Variants in FMN2 observed in about 807,000 individuals in gnomAD.
FMN2 encodes formin 2, also known as formin-2.
A neutral mutation model predicts 142.3 loss-of-function variants in FMN2; 51 were observed. The observed-to-expected ratio is 0.36, with a 90% CI of 0.29 to 0.45. The LOEUF (loss-of-function observed/expected upper bound fraction) is 0.45. Among genes scored for constraint, FMN2 ranks in the 20% least tolerant of loss-of-function variants. The pLI is 1.00. For synonymous variants in FMN2, 882 were observed against 869.8 expected (o/e 1.01, Z -0.25); for missense variants, 1,936 against 2,122.8 (o/e 0.91, Z 1.73).
chr1:240,123,193 G>C lies in FMN2; in HGVS notation c.1630G>C (p.Glu544Gln). ...TTCATCTGCAGGGCGAACGCTGTTG[G>C]AGAAGCTGTTCAGCCAGCAGGAGAA... The part of the protein sequence containing the change: ...QNVFTGRTLL[E>Q]KLFSQQENGP... The change falls in exon 2 of 18, where the codon GAG becomes CAG. Residue 544 changes from glutamate to glutamine, a missense_variant. Glu to Gln is a conservative substitution (Grantham distance 29). This residue lies in a region of FMN2 where 751 missense variants were observed against 791.8 expected (regional missense o/e 0.95). Coordinates refer to ENST00000319653, the MANE Select transcript of FMN2 (RefSeq NM_020066.5). 6.2e-7 allele frequency: 1 copy of C among 1,614,182 alleles called. No homozygotes were observed.
In FMN2 at chr1:240,121,735, TAAAAAAAA is replaced by T. The variant is rs71168898; in HGVS notation, c.1616-1420_1616-1413del. Reference sequence around the variant, plus strand: ...CTCTTGCCTTTTTTTAGGGAAATAGTAAAAAAAAAAAAAAAAAAAAAAAAAAAAAAAGT... The same window carrying T: ...CTCTTGCCTTTTTTTAGGGAAATAGTAAAAAAAAAAAAAAAAAAAAAAAGT... On this transcript the variant is annotated intron_variant, in intron 1 of 17. Coordinates refer to ENST00000319653, the MANE Select transcript of FMN2 (RefSeq NM_020066.5). Among the ~76,000 whole-genome samples the T allele has an allele frequency of 9.0e-4, 23 of 25,678 alleles. 1 individual carries two copies. Among genetic ancestry groups the T allele is most frequent in the South Asian group, 5.9e-3 (2 of 338 alleles). 16.8% of individuals were successfully genotyped at this position (25,678 alleles called of 152,430 possible). A position where few individuals can be genotyped will look rare whatever the true frequency, so the allele number is the denominator to read the frequency against.
At chr1:240,455,975 A>AAATAAT (rs140323437) in intron 16 of FMN2, among the ~76,000 whole-genome samples, 224 of 149,018 alleles carry the variant, frequency 1.5e-3, no homozygotes, top group Non-Finnish European at 2.2e-3. Context: ...ACTGTCTCAA[A>AAATAAT]AATAATAATA....
chr1:240,217,833 A>C (rs994884576), intron 6 of FMN2, among the ~76,000 whole-genome samples: 1 of 152,128 alleles, frequency 6.6e-6, no homozygotes. Flanking sequence ...ATACACCAGC[A>C]TAATATAAAG....
intron 15 of FMN2, among the ~76,000 whole-genome samples, chr1:240,401,946 C>T (rs1674007772): frequency 6.6e-6 from 1 of 152,186 alleles, no homozygotes; most frequent in Non-Finnish European, 1.5e-5. Flanking sequence ...ATAACCTCAC[C>T]CTTTCTTTCA....
At chr1:240,428,791 A>C (rs540790660) in intron 15 of FMN2, among the ~76,000 whole-genome samples, 1 of 152,350 alleles carries the variant, frequency 6.6e-6, no homozygotes, top group East Asian at 1.9e-4. Flanking sequence ...AGAATACAAC[A>C]TATTGTTAAC....
Position 240,207,453 on chromosome 1 carries a change from C to G in FMN2, c.2641C>G (p.Pro881Ala). ...CCTGGGCATGGTGCCTCCCCCACCT[C>G]CCCCTCTCCCTGGCATGACAGTGCC... Reference protein sequence around the residue: ...PGLGMVPPPPPPLPGMTVPTL... With the variant: ...PGLGMVPPPPAPLPGMTVPTL... Residue 881 changes from proline (P) to alanine (A), a missense_variant, in exon 5 of 18, where the codon CCC becomes GCC. Around this residue, in one of 8 missense-constraint regions of FMN2, gnomAD observed 478 missense variants for 462.8 expected, o/e 1.03. Coordinates refer to ENST00000319653, the MANE Select transcript of FMN2 (RefSeq NM_020066.5). 2 of 1,613,542 alleles carry G rather than the reference C, an allele frequency of 1.2e-6. No homozygotes were observed. Among genetic ancestry groups the G allele is most frequent in the Non-Finnish European group, 1.7e-6 (2 of 1,179,712 alleles).
intron 2 of FMN2, chr1:240,142,628 C>T: frequency 6.4e-7 from 1 of 1,561,440 alleles, no homozygotes; most frequent in Non-Finnish European, 8.7e-7. Context: ...GCATGGCCCA[C>T]TGATACATCA....
chr1:240,400,337 C>T lies in FMN2; in HGVS notation c.4910+7775C>T, dbSNP rs114092989. ...CTGGCAGCAGGGAACTCAGCGCAAC[C>T]GCTGGCCACCACTGGCAGAACAATA... On this transcript the variant is annotated intron_variant, in intron 15 of 17. Coordinates refer to ENST00000319653, the MANE Select transcript of FMN2 (RefSeq NM_020066.5). Among the ~76,000 whole-genome samples the T allele has an allele frequency of 5.8e-3, 883 of 152,258 alleles. 10 individuals are homozygous for T. Among genetic ancestry groups the T allele is most frequent in the African/African-American group, 0.02 (835 of 41,554 alleles).
chr1:240,191,698 T>C (rs1390671015), intron 4 of FMN2, among the ~76,000 whole-genome samples: 1 of 152,248 alleles, frequency 6.6e-6, no homozygotes, highest in Non-Finnish European at 1.5e-5. Context: ...AGTTAAAGAT[T>C]GGTGTATGGT....
intron 15 of FMN2, among the ~76,000 whole-genome samples, chr1:240,403,144 C>A (rs1674045493): frequency 6.6e-6 from 1 of 152,102 alleles, no homozygotes; most frequent in Admixed American, 6.6e-5. Flanking sequence ...ACATTCTGGA[C>A]AAAGGAAATC....
intron 1 of FMN2, among the ~76,000 whole-genome samples, chr1:240,109,724 C>T (rs12118042): frequency 0.32 from 49,291 of 151,908 alleles, 9,391 homozygotes; most frequent in Non-Finnish European, 0.44. Context: ...AAGATGTGTT[C>T]CACATCAATT....
chr1:240,369,044 C>T (rs992694473), intron 14 of FMN2, among the ~76,000 whole-genome samples: 4 of 151,836 alleles, frequency 2.6e-5, no homozygotes, highest in Admixed American at 6.6e-5. Context: ...CGTGTGTGCA[C>T]GCGCACGCAC....
At chr1:240,327,250 A>G (rs1671203114) in intron 8 of FMN2, among the ~76,000 whole-genome samples, 1 of 152,216 alleles carries the variant, frequency 6.6e-6, no homozygotes, top group East Asian at 1.9e-4. Context: ...TGCAAAATTT[A>G]TGAAACTGTC....
chr1:240,324,580 A>C (rs1671089752), intron 8 of FMN2, among the ~76,000 whole-genome samples: 1 of 151,842 alleles, frequency 6.6e-6, no homozygotes, highest in Non-Finnish European at 1.5e-5. Context: ...AGAATTGCTT[A>C]AACCTGGGAG....
chr1:240,386,068 A>G (rs1044380313), intron 14 of FMN2, among the ~76,000 whole-genome samples: 5 of 152,190 alleles, frequency 3.3e-5, no homozygotes, highest in African/African-American at 9.6e-5. Flanking sequence ...AGGAAGATGC[A>G]TTGGGACTTA....
chr1:240,420,465 A>C (rs1173941898), intron 15 of FMN2, among the ~76,000 whole-genome samples: 1 of 152,134 alleles, frequency 6.6e-6, no homozygotes, highest in Non-Finnish European at 1.5e-5. Flanking sequence ...ACCCCTTTTC[A>C]GGCCTAGCAC....
At chr1:240,108,532 A>G (rs986539049) in intron 1 of FMN2, among the ~76,000 whole-genome samples, 6 of 152,120 alleles carry the variant, frequency 3.9e-5, no homozygotes, top group Admixed American at 1.3e-4. Context: ...TTTCCTCCTA[A>G]TATTTCAATT....
In FMN2 at chr1:240,355,850, C is replaced by A. The variant is rs754946171; in HGVS notation, c.4800C>A (p.Val1600=). ...CEVEAGKVYQ[V]SSKEHMQPFK... ...TTGAAGCAGGGAAAGTATACCAGGTCTCCTCAAAAGAGCATATGCAGCCTT... is the reference window on the plus strand; with the variant it reads ...TTGAAGCAGGGAAAGTATACCAGGTATCCTCAAAAGAGCATATGCAGCCTT... The change falls in exon 14 of 18, where the codon GTC becomes GTA. Residue 1600 remains valine (V), a synonymous_variant. Coordinates refer to ENST00000319653, the MANE Select transcript of FMN2 (RefSeq NM_020066.5). 31 of 1,607,290 alleles carry A rather than the reference C, an allele frequency of 1.9e-5. No individual in the cohort carries two copies. Among genetic ancestry groups the A allele is most frequent in the Middle Eastern group, 1.7e-4 (1 of 6,038 alleles).
At chr1:240,465,687 T>C (rs573156399) in intron 16 of FMN2, among the ~76,000 whole-genome samples, 1 of 152,248 alleles carries the variant, frequency 6.6e-6, no homozygotes, top group Non-Finnish European at 1.5e-5. Flanking sequence ...CTGCCACAGA[T>C]ACTTATTTAG....
Sources: gnomAD v4.1 joint callset for allele counts (sites outside exome capture counted in the v4.1 genomes callset) on GRCh38, gnomAD v4.1.1 for gene constraint, gnomAD v4.1.1 regional missense constraint, MANE v1.5 for transcripts, NCBI Gene and HGNC (gene_info 2026-07-23, HGNC 2026-07-21) for gene names.